Variants in KIRREL3 observed in about 807,000 individuals in gnomAD.
KIRREL3 encodes the protein kin of IRRE-like protein 3.
KIRREL3 carries 36 observed loss-of-function variants against 89.7 expected under a neutral mutation model. The ratio of observed to expected loss-of-function variants is 0.40; its 90% confidence interval spans 0.31 to 0.53. The LOEUF (loss-of-function observed/expected upper bound fraction) is 0.53. Ranked by LOEUF, KIRREL3 falls within the 20% of genes least tolerant of loss-of-function variation. KIRREL3 has a pLI of 0.49. For synonymous variants in KIRREL3, 445 were observed against 441.4 expected (o/e 1.01, Z -0.10); for missense variants, 864 against 1,056.6 (o/e 0.82, Z 2.53).
chr11:126,907,817 C>T (rs948286263), intron 1 of KIRREL3, among the ~76,000 whole-genome samples: 3 of 152,024 alleles, frequency 2.0e-5, no homozygotes, highest in African/African-American at 7.2e-5. Flanking sequence ...CTCATTTTGC[C>T]CCAACCACAC....
intron 1 of KIRREL3, among the ~76,000 whole-genome samples, chr11:126,617,671 C>T (rs140171000): frequency 5.3e-4 from 81 of 152,276 alleles, no homozygotes; most frequent in Middle Eastern, 3.4e-3. Flanking sequence ...GTTTTAGGTA[C>T]ATTGCACATA....
At chr11:126,632,806 A>G (rs1944098198) in intron 1 of KIRREL3, among the ~76,000 whole-genome samples, 1 of 89,896 alleles carries the variant, frequency 1.1e-5, no homozygotes, top group Non-Finnish European at 2.5e-5. Context: ...AAAAAAAAAA[A>G]AAAGACCAGG....
In KIRREL3 at chr11:126,905,406, A is replaced by G. The variant is rs532417581; in HGVS notation, c.55+95049T>C. Among the ~76,000 whole-genome samples the G allele has an allele frequency of 6.6e-6, 1 of 152,288 alleles. No homozygotes were observed. Among genetic ancestry groups the G allele is most frequent in the East Asian group, 1.9e-4 (1 of 5,186 alleles). On this transcript the variant is annotated intron_variant, in intron 1 of 16. Transcript: ENST00000525144. The surrounding 1 kb of genome is among the most constrained non-coding windows in gnomAD (Gnocchi z 5.0). ...GCTATCCTGGGGTAAAGAGCCCTAA[A>G]TAATTGCAATGCATCAACTTGGCAG...
chr11:126,800,972 G>T (rs1336115101), intron 1 of KIRREL3, among the ~76,000 whole-genome samples: 1 of 152,200 alleles, frequency 6.6e-6, no homozygotes, highest in Non-Finnish European at 1.5e-5. Flanking sequence ...ACATTTAGGA[G>T]TGAGGACACG....
chr11:126,875,294 C>T (rs74727760), intron 1 of KIRREL3, among the ~76,000 whole-genome samples: 285 of 152,220 alleles, frequency 1.9e-3, no homozygotes, highest in African/African-American at 6.4e-3. Flanking sequence ...CCCCAGAAAC[C>T]ACTCTTCTCC....
In KIRREL3 at chr11:126,883,174, C is replaced by T. The variant is rs1377284251; in HGVS notation, c.55+117281G>A. Among the ~76,000 whole-genome samples, 1 of 152,160 alleles carries T rather than the reference C, an allele frequency of 6.6e-6. No individual in the cohort carries two copies. The highest frequency in any genetic ancestry group is 1.5e-5 in the Non-Finnish European group (1 of 68,020). On this transcript the variant is annotated intron_variant, in intron 1 of 16. Coordinates refer to ENST00000525144, the MANE Select transcript of KIRREL3 (RefSeq NM_032531.4). This position sits in a 1 kb window ranked among gnomAD's most constrained non-coding sequence, Gnocchi z 4.1. ...GTCAGATACTGAATCTGGAGCCTAA[C>T]TCCTTGGCAGCTGAGCAGGAGACAG...
At chr11:126,899,009 T>TGGG (rs111707645) in intron 1 of KIRREL3, among the ~76,000 whole-genome samples, 92 of 149,628 alleles carry the variant, frequency 6.1e-4, no homozygotes, top group African/African-American at 2.1e-3. Context: ...CAGGGGAGTT[T>TGGG]GGGGGGGGTC....
intron 1 of KIRREL3, among the ~76,000 whole-genome samples, chr11:126,598,138 T>C (rs1942487988): frequency 6.6e-6 from 1 of 152,252 alleles, no homozygotes; most frequent in Non-Finnish European, 1.5e-5. Context: ...CGGGACTTTC[T>C]GAGTGGTGAA....
intron 1 of KIRREL3, among the ~76,000 whole-genome samples, chr11:126,923,442 CTTCT>C (rs1205906320): frequency 1.1e-4 from 12 of 109,426 alleles, no homozygotes; most frequent in Non-Finnish European, 1.4e-4. Flanking sequence ...TCTTCTTCTC[CTTCT>C]TTTTTTTTTT....
chr11:126,922,137 ATCTAT>A (rs1947372320), intron 1 of KIRREL3, among the ~76,000 whole-genome samples: 1 of 150,402 alleles, frequency 6.6e-6, no homozygotes. Flanking sequence ...CTATCTATCT[ATCTAT>A]CTATCTATCT....
intron 1 of KIRREL3, among the ~76,000 whole-genome samples, chr11:126,619,056 G>GC (rs1943472960): frequency 6.6e-6 from 1 of 152,234 alleles, no homozygotes; most frequent in Non-Finnish European, 1.5e-5. Flanking sequence ...ATAACAAAGA[G>GC]TTTCAGGTGC....
rs1445792522 is a variant in KIRREL3, at chr11:126,642,470, A to G, written c.56-79558T>C. ...ATGTGGCCTAGCCCAAGCTAGACTC[A>G]CTAGAAATGTTAACTCTGCCCTGCA... On this transcript the variant is annotated intron_variant, in intron 1 of 16. Coordinates refer to ENST00000525144, the MANE Select transcript of KIRREL3 (RefSeq NM_032531.4). This position sits in a 1 kb window ranked among gnomAD's most constrained non-coding sequence, Gnocchi z 4.9. 6.6e-6 allele frequency among the ~76,000 whole-genome samples: 1 copy of G among 152,236 alleles called. No homozygotes were observed. The highest frequency in any genetic ancestry group is 2.4e-5 in the African/African-American group (1 of 41,450).
chr11:126,864,148 C>T (rs1944843569), intron 1 of KIRREL3, among the ~76,000 whole-genome samples: 1 of 152,180 alleles, frequency 6.6e-6, no homozygotes, highest in African/African-American at 2.4e-5. Context: ...TTATAAAAGC[C>T]CTTCCTTATC....
chr11:126,784,822 A>G (rs1445459258), intron 1 of KIRREL3, among the ~76,000 whole-genome samples: 4 of 152,244 alleles, frequency 2.6e-5, no homozygotes, highest in Admixed American at 2.6e-4. Context: ...CTGCATCTGA[A>G]CATAGTACTA....
At chr11:126,804,126 G>C (rs1213933194) in intron 1 of KIRREL3, among the ~76,000 whole-genome samples, 1 of 152,240 alleles carries the variant, frequency 6.6e-6, no homozygotes, top group African/African-American at 2.4e-5. Context: ...ATAAGGGCAT[G>C]TGAGGTACAG....
rs1448260621 is a variant in KIRREL3, at chr11:126,655,453, C to G, written c.56-92541G>C. Reference sequence around the variant, plus strand: ...CTCTTTTCTCCTTCACCCCTCCACTCCCCCCACAAACAACTGAATTTGGAA... The same window carrying G: ...CTCTTTTCTCCTTCACCCCTCCACTGCCCCCACAAACAACTGAATTTGGAA... On this transcript the variant is annotated intron_variant, in intron 1 of 16. Transcript: ENST00000525144. The surrounding 1 kb of genome is among the most constrained non-coding windows in gnomAD (Gnocchi z 5.0). Among the ~76,000 whole-genome samples, 1 of 152,116 alleles carries G rather than the reference C, an allele frequency of 6.6e-6. No individual in the cohort carries two copies. The highest frequency in any genetic ancestry group is 1.9e-4 in the East Asian group (1 of 5,188).
At chr11:126,751,153 C>T (rs1002947065) in intron 1 of KIRREL3, among the ~76,000 whole-genome samples, 3 of 152,290 alleles carry the variant, frequency 2.0e-5, no homozygotes, top group South Asian at 4.1e-4. Context: ...CATCCTGTAG[C>T]GCCACAGGAC....
In KIRREL3 at chr11:126,440,243, C is replaced by G. The variant is rs905064229; in HGVS notation, c.1353+206G>C. Reference sequence around the variant, plus strand: ...GAGCTCAGCAGAATGGCAGCTGAACCCTGGGAGAGCACTGCCTGTTCTGAG... The same window carrying G: ...GAGCTCAGCAGAATGGCAGCTGAACGCTGGGAGAGCACTGCCTGTTCTGAG... On this transcript the variant is annotated intron_variant, in intron 11 of 16. Coordinates refer to ENST00000525144, the MANE Select transcript of KIRREL3 (RefSeq NM_032531.4). The G allele has an allele frequency of 2.3e-5, 16 of 702,256 alleles. No individual in the cohort carries two copies. The African/African-American group carries it at 2.8e-4, about 12-fold the overall frequency. 43.5% of individuals were successfully genotyped at this position (702,256 alleles called of 1,614,324 possible). A position where few individuals can be genotyped will look rare whatever the true frequency, so the allele number is the denominator to read the frequency against.
At chr11:126,828,633 T>C (rs1352508287) in intron 1 of KIRREL3, among the ~76,000 whole-genome samples, 1 of 152,104 alleles carries the variant, frequency 6.6e-6, no homozygotes, top group Non-Finnish European at 1.5e-5. Context: ...AGAATGGTGC[T>C]TCCTTAGGTC....
Sources: allele counts gnomAD v4.1 joint callset (sites outside exome capture counted in the v4.1 genomes callset), GRCh38; gene constraint gnomAD v4.1.1; non-coding constraint Gnocchi (gnomAD v3.1); transcripts MANE v1.5; gene names NCBI Gene and HGNC (gene_info 2026-07-23, HGNC 2026-07-21).